The following WWP2 variants were observed in gnomAD, a reference collection of about 807,000 sequenced individuals.
WWP2 encodes the protein WW domain containing E3 ubiquitin protein ligase 2.
Under a neutral mutation model 121.0 loss-of-function variants are expected in WWP2, and 57 were observed. The ratio of observed to expected loss-of-function variants is 0.47; its 90% confidence interval spans 0.38 to 0.59. The LOEUF (loss-of-function observed/expected upper bound fraction) is 0.59. Among genes scored for constraint, WWP2 ranks in the 20% least tolerant of loss-of-function variants. WWP2 has a pLI of 0.00. For synonymous variants in WWP2, 449 were observed against 441.3 expected (o/e 1.02, Z -0.22); for missense variants, 962 against 1,158.9 (o/e 0.83, Z 2.47).
At chr16:69,803,282 G>A (rs545710355) in intron 4 of WWP2, among the ~76,000 whole-genome samples, 36 of 151,386 alleles carry the variant, frequency 2.4e-4, no homozygotes, top group Middle Eastern at 3.4e-3. Flanking sequence ...AGATTCTTCA[G>A]CATGCATCTT....
At position 69,937,047 on chromosome 16, in the gene WWP2, C is replaced by T. The variant is rs186840054; in HGVS notation, c.2118-71C>T. On this transcript the variant is annotated intron_variant, in intron 19 of 23. Transcript: ENST00000359154. The surrounding 1 kb of genome is among the most constrained non-coding windows in gnomAD (Gnocchi z 6.6). Reference sequence around the variant, plus strand: ...TGGTGGTCCTGCGCGGTAACGGCCACGCGGCCTGGCCGGGAGCCACCCCTG... The same window carrying T: ...TGGTGGTCCTGCGCGGTAACGGCCATGCGGCCTGGCCGGGAGCCACCCCTG... The T allele has an allele frequency of 7.4e-3, 11,621 of 1,567,030 alleles. 51 individuals carry two copies. The highest frequency in any genetic ancestry group is 9.0e-3 in the Non-Finnish European group (10,364 of 1,154,042).
At position 69,935,591 on chromosome 16, in the gene WWP2, C is replaced by T. The variant is rs8048563; in HGVS notation, c.1843-262C>T. 2.0e-5 allele frequency among the ~76,000 whole-genome samples: 3 copies of T among 152,226 alleles called. No individual in the cohort carries two copies. Among genetic ancestry groups the T allele is most frequent in the Non-Finnish European group, 4.4e-5 (3 of 68,050 alleles). On this transcript the variant is annotated intron_variant, in intron 17 of 23. Transcript: ENST00000359154. This position sits in a 1 kb window ranked among gnomAD's most constrained non-coding sequence, Gnocchi z 5.2. ...CGTGCGGGGCAGATGCGGGCCCGGA[C>T]GTGGGTTCCCGCACCAGCTGGCTCT...
At chr16:69,897,635 C>A (rs895383958) in intron 8 of WWP2, among the ~76,000 whole-genome samples, 1 of 152,104 alleles carries the variant, frequency 6.6e-6, no homozygotes, top group South Asian at 2.1e-4. Flanking sequence ...GTAGGCCAGG[C>A]GCAGTGGCTC....
chr16:69,807,592 C>T (rs1287534015), intron 4 of WWP2, among the ~76,000 whole-genome samples: 1 of 125,074 alleles, frequency 8.0e-6, no homozygotes, highest in South Asian at 2.5e-4. Flanking sequence ...CCACTCCTGC[C>T]TGGGTGACAG....
intron 9 of WWP2, 156 bp downstream of exon 9, chr16:69,909,006 T>G: frequency 6.9e-7 from 1 of 1,441,816 alleles, no homozygotes; most frequent in Non-Finnish European, 9.1e-7. Flanking sequence ...ACCTTAATAT[T>G]GCTCCCATGT....
At chr16:69,892,382 C>G (rs1308410191) in intron 8 of WWP2, among the ~76,000 whole-genome samples, 1 of 143,460 alleles carries the variant, frequency 7.0e-6, no homozygotes, top group Non-Finnish European at 1.5e-5. Context: ...GTGTGGTGTT[C>G]CCCTCCCTGT....
At chr16:69,803,900 T>A (rs1301993165) in intron 4 of WWP2, among the ~76,000 whole-genome samples, 1 of 151,986 alleles carries the variant, frequency 6.6e-6, no homozygotes, top group Non-Finnish European at 1.5e-5. Flanking sequence ...AGAGCAAGAC[T>A]CCGTCTCAAA....
chr16:69,827,795 C>T (rs979525507), intron 4 of WWP2: 13 of 433,848 alleles, frequency 3.0e-5, no homozygotes, highest in African/African-American at 1.0e-4. Flanking sequence ...TCCCTCCCCT[C>T]GGAGATGAGG....
rs1197257443 is a variant in WWP2 at position 69,936,357 on chromosome 16, G to A, written c.2022G>A (p.Gln674=). 2.5e-6 allele frequency: 4 copies of A among 1,614,120 alleles called. No individual in the cohort carries two copies. The Admixed American group carries it at 6.7e-5, about 27-fold the overall frequency. The change falls in exon 19 of 24, where the codon CAG becomes CAA. Residue 674 remains glutamine (Q), a synonymous_variant. Coordinates refer to ENST00000359154, the MANE Select transcript of WWP2 (RefSeq NM_001270454.2). ...GTGGCCTGGAGCTGTACTTCATCCA[G>A]GACATGGAGATACTGGGCAAGGTGA... The part of the protein sequence containing the change: ...EECGLELYFI[Q]DMEILGKVTT...
At chr16:69,767,257 A>G (rs1043569777) in intron 1 of WWP2, among the ~76,000 whole-genome samples, 3 of 152,080 alleles carry the variant, frequency 2.0e-5, no homozygotes, top group Admixed American at 1.3e-4. Flanking sequence ...GGTTTTTTCA[A>G]ACATGTATTG....
intron 8 of WWP2, among the ~76,000 whole-genome samples, chr16:69,906,078 CTT>C (rs111829274): frequency 2.7e-5 from 4 of 145,538 alleles, no homozygotes; most frequent in African/African-American, 2.5e-5. Flanking sequence ...TCTTTTCTTT[CTT>C]TTTTTTTTTT....
At chr16:69,936,616 G>A (rs750907017) in intron 19 of WWP2, 164 bp downstream of exon 19, 24 of 1,012,850 alleles carry the variant, frequency 2.4e-5, no homozygotes, top group Non-Finnish European at 3.0e-5. Context: ...GGCGCGAGCT[G>A]GGGGAACCAA....
At chr16:69,857,072 A>G (rs898145634) in intron 6 of WWP2, among the ~76,000 whole-genome samples, 5 of 151,984 alleles carry the variant, frequency 3.3e-5, no homozygotes, top group African/African-American at 9.7e-5. Context: ...TCTGTCCTAC[A>G]GTTTCTGTTT....
rs775389700 is a variant in WWP2 at position 69,939,320 on chromosome 16, G to A, written c.2441-21G>A. The A allele has an allele frequency of 2.0e-5, 33 of 1,614,096 alleles. No homozygotes were observed. In the East Asian group the frequency reaches 3.8e-4, roughly 19 times the overall value. On this transcript the variant is annotated intron_variant, in intron 22 of 23. Transcript: ENST00000359154. ...AAGGGACGTCTCTGCTGACGTCGGC[G>A]TGTTTTACCTTGGATCACAGGTAGC...
chr16:69,890,848 C>T (rs1342143185), intron 8 of WWP2: 1 of 152,200 alleles, frequency 6.6e-6, no homozygotes, highest in African/African-American at 2.4e-5. Context: ...TCCCCTCCCT[C>T]ATCCTGCCAG....
chr16:69,808,518 C>T (rs1040267032), intron 4 of WWP2, among the ~76,000 whole-genome samples: 10 of 152,228 alleles, frequency 6.6e-5, no homozygotes, highest in African/African-American at 2.2e-4. Flanking sequence ...TCTCCTGCTT[C>T]AGCCTCCTGA....
At chr16:69,919,358 G>A (rs961878953) in intron 10 of WWP2, among the ~76,000 whole-genome samples, 2 of 151,858 alleles carry the variant, frequency 1.3e-5, no homozygotes, top group South Asian at 4.2e-4. Context: ...GTAGAGACGG[G>A]GTTTCACCAT....
At chr16:69,823,003 G>T (rs539572024) in intron 4 of WWP2, among the ~76,000 whole-genome samples, 16 of 152,168 alleles carry the variant, frequency 1.1e-4, no homozygotes, top group African/African-American at 3.9e-4. Context: ...CAGGCATGGT[G>T]GCACGTAATC....
intron 10 of WWP2, 94 bp downstream of exon 10, chr16:69,917,977 G>C: frequency 6.8e-7 from 1 of 1,465,488 alleles, no homozygotes. Context: ...TTAGTGAGCA[G>C]GGAAAACAGC....
Sources: allele counts gnomAD v4.1 joint callset (sites outside exome capture counted in the v4.1 genomes callset), GRCh38; gene constraint gnomAD v4.1.1; non-coding constraint Gnocchi (gnomAD v3.1); transcripts MANE v1.5; gene names NCBI Gene and HGNC (gene_info 2026-07-23, HGNC 2026-07-21).